Variants in SPATA31H1 observed in about 807,000 individuals in gnomAD.
The protein encoded by SPATA31H1 is spermatogenesis-associated protein 31H1.
chr2:27,541,458 T>A, the SPATA31H1 span, among the ~76,000 whole-genome samples: 1 of 151,902 alleles, frequency 6.6e-6, no homozygotes, highest in Non-Finnish European at 1.5e-5. Flanking sequence ...AACTCATCAT[T>A]TTCTATGAGG....
At chr2:27,580,512 C>G in the SPATA31H1 span, 2 of 1,614,142 alleles carry the variant, frequency 1.2e-6, no homozygotes, top group South Asian at 2.2e-5. Flanking sequence ...AATAGAGAGT[C>G]CTTCTAGGGA....
At chr2:27,543,489 C>T in the SPATA31H1 span, among the ~76,000 whole-genome samples, 1 of 145,864 alleles carries the variant, frequency 6.9e-6, no homozygotes, top group African/African-American at 2.5e-5. Flanking sequence ...ATGGCAAGGG[C>T]TTTTTTTTTG....
chr2:27,574,670 A>G, the SPATA31H1 span: 1 of 398,418 alleles, frequency 2.5e-6, no homozygotes, highest in African/African-American at 2.1e-5. Context: ...CAAACCATCA[A>G]GATGTTAAAT....
At chr2:27,542,140 T>G in the SPATA31H1 span, among the ~76,000 whole-genome samples, 5 of 152,022 alleles carry the variant, frequency 3.3e-5, no homozygotes, top group African/African-American at 1.2e-4. Context: ...CTCATGCCTG[T>G]AATCCTGGCA....
the SPATA31H1 span, among the ~76,000 whole-genome samples, chr2:27,546,662 A>T: frequency 9.9e-5 from 15 of 151,882 alleles, no homozygotes; most frequent in Non-Finnish European, 1.9e-4. Flanking sequence ...CCTCCCAAGT[A>T]GCTGGGACCA....
chr2:27,562,137 T>C, the SPATA31H1 span, among the ~76,000 whole-genome samples: 2 of 152,210 alleles, frequency 1.3e-5, no homozygotes, highest in Non-Finnish European at 2.9e-5. Context: ...CTGTTTTTAT[T>C]TCCTACAGCT....
the SPATA31H1 span, among the ~76,000 whole-genome samples, chr2:27,562,574 T>C: frequency 6.7e-6 from 1 of 148,204 alleles, no homozygotes; most frequent in African/African-American, 2.5e-5. Flanking sequence ...CACACACATA[T>C]ATATAATTAT....
the SPATA31H1 span, chr2:27,566,599 T>C: frequency 1.4e-5 from 8 of 581,994 alleles, no homozygotes; most frequent in Admixed American, 2.6e-4. Context: ...TTTCTATAAG[T>C]AATTGATGTT....
the SPATA31H1 span, among the ~76,000 whole-genome samples, chr2:27,541,298 T>G: frequency 0.58 from 86,730 of 150,812 alleles, 25,806 homozygotes; most frequent in East Asian, 0.85. Context: ...GGCAGGCTGA[T>G]GCAGGAGAAT....
At chr2:27,566,763 G>T in the SPATA31H1 span, 3 of 711,214 alleles carry the variant, frequency 4.2e-6, no homozygotes, top group Non-Finnish European at 7.9e-6. Context: ...GGATTTGCCT[G>T]AATCACAGGA....
At chr2:27,572,413 T>C in the SPATA31H1 span, 1 of 398,264 alleles carries the variant, frequency 2.5e-6, no homozygotes, top group Non-Finnish European at 4.4e-6. Flanking sequence ...TCTCGAAGTG[T>C]CAAACCTGCA....
chr2:27,581,753 C>T, the SPATA31H1 span: 2 of 1,613,192 alleles, frequency 1.2e-6, no homozygotes, highest in East Asian at 4.5e-5. Context: ...GGAGCCATCG[C>T]AGTCCCTCAG....
chr2:27,541,252 T>G, the SPATA31H1 span, among the ~76,000 whole-genome samples: 3 of 151,694 alleles, frequency 2.0e-5, no homozygotes, highest in African/African-American at 7.3e-5. Context: ...CAGTCAGGCG[T>G]GGCGTGGCGG....
At chr2:27,577,575 T>A in the SPATA31H1 span, 1 of 1,614,158 alleles carries the variant, frequency 6.2e-7, no homozygotes, top group Non-Finnish European at 8.5e-7. The surrounding 1 kb of genome is among the most constrained non-coding windows in gnomAD (Gnocchi z 4.5). Flanking sequence ...ATCTGTGGTA[T>A]TGATTCCAAA....
At chr2:27,552,337 G>A in the SPATA31H1 span, among the ~76,000 whole-genome samples, 1 of 151,864 alleles carries the variant, frequency 6.6e-6, no homozygotes, top group African/African-American at 2.4e-5. Flanking sequence ...AGCACCATTT[G>A]TTGAAGAGAC....
chr2:27,580,244 C>T, the SPATA31H1 span: 21 of 1,614,160 alleles, frequency 1.3e-5, no homozygotes, highest in African/African-American at 1.9e-4. Flanking sequence ...CTTCCCAGTC[C>T]CCTGCTCCTG....
At chr2:27,560,310 A>AT in the SPATA31H1 span, among the ~76,000 whole-genome samples, 1 of 100,824 alleles carries the variant, frequency 9.9e-6, no homozygotes, top group Non-Finnish European at 1.9e-5. Flanking sequence ...ATGTCTTACA[A>AT]TTGATGGTAT....
chr2:27,549,092 A>G, the SPATA31H1 span, among the ~76,000 whole-genome samples: 4 of 151,584 alleles, frequency 2.6e-5, no homozygotes, highest in Non-Finnish European at 4.4e-5. Context: ...AAAAAAAAAA[A>G]AAAGAAATGG....
the SPATA31H1 span, chr2:27,573,774 C>T: frequency 2.5e-6 from 1 of 398,398 alleles, no homozygotes; most frequent in Non-Finnish European, 4.4e-6. Flanking sequence ...AGCGTTTACA[C>T]AAGTGCCACA....
Sources: gnomAD v4.1 joint callset for allele counts (sites outside exome capture counted in the v4.1 genomes callset) on GRCh38, gnomAD v4.1.1 for gene constraint, Gnocchi (gnomAD v3.1) non-coding constraint, MANE v1.5 for transcripts, NCBI Gene and HGNC (gene_info 2026-07-23, HGNC 2026-07-21) for gene names.